Variants in DDX50 observed in about 807,000 individuals in gnomAD.
DDX50 encodes ATP-dependent RNA helicase DDX50.
A neutral mutation model predicts 94.8 loss-of-function variants in DDX50; 56 were observed. The observed-to-expected ratio is 0.59, with a 90% confidence interval of 0.48 to 0.74. The LOEUF is 0.74. DDX50 is among the 30% of genes least tolerant of loss of function. The probability of loss-of-function intolerance (pLI) is 0.00; values close to 1 mark genes in which losing one functional copy is unlikely to be tolerated. For missense variants in DDX50, 713 were observed against 881.2 expected, an observed-to-expected ratio of 0.81 and a Z score of 2.42; for synonymous variants, 264 against 295.4, an observed-to-expected ratio of 0.89 and a Z score of 1.09.
At chr10:68,901,547 G>C (rs1166759432) in intron 1 of DDX50, 76 bp downstream of exon 1, 2 of 1,453,274 alleles carry the variant, frequency 1.4e-6, no homozygotes, top group Non-Finnish European at 1.9e-6. Context: ...TGTCCCTGAT[G>C]ATGGCCTGTC....
chr10:68,901,365 G>A lies in DDX50; in HGVS notation c.-20G>A, dbSNP rs894987032. Reference sequence around the variant, plus strand: ...GTGGTTGTGGCCACTGTGCCCGGAGGGAGGCGGCGGTGGCCAGTAATGCCT... The same window carrying A: ...GTGGTTGTGGCCACTGTGCCCGGAGAGAGGCGGCGGTGGCCAGTAATGCCT... On this transcript the variant is annotated 5_prime_UTR_variant, in exon 1 of 15. Coordinates refer to ENST00000373585, the MANE Select transcript of DDX50 (RefSeq NM_024045.2). 9 of 1,530,370 alleles carry A rather than the reference G, an allele frequency of 5.9e-6. No homozygotes were observed. In the African/African-American group the frequency reaches 7.0e-5, roughly 12 times the overall value. The allele number at this position is 1,530,370 out of a possible 1,614,324, so 94.8% of individuals were successfully genotyped here. A position where few individuals can be genotyped will look rare whatever the true frequency, so the allele number is the denominator to read the frequency against.
chr10:68,930,682 G>T (rs773065402), intron 8 of DDX50, among the ~76,000 whole-genome samples: 2 of 152,034 alleles, frequency 1.3e-5, no homozygotes, highest in Non-Finnish European at 2.9e-5. Flanking sequence ...GGGGAGACAG[G>T]GTCTCACTCT....
At chr10:68,939,667 C>T (rs1842510162) in intron 12 of DDX50, among the ~76,000 whole-genome samples, 1 of 152,136 alleles carries the variant, frequency 6.6e-6, no homozygotes, top group Non-Finnish European at 1.5e-5. Context: ...CATGTTGCTT[C>T]CTCCTTTACT....
At chr10:68,913,879 C>T (rs1367703241) in intron 6 of DDX50, among the ~76,000 whole-genome samples, 180 bp from the exon 7 acceptor site, 2 of 152,086 alleles carry the variant, frequency 1.3e-5, no homozygotes, top group African/African-American at 4.8e-5. Context: ...CAGTTCTCTT[C>T]ATATTGTCCC....
chr10:68,915,687 G>A (rs4746799), intron 7 of DDX50, among the ~76,000 whole-genome samples: 86,635 of 150,154 alleles, frequency 0.58, 26,155 homozygotes, highest in East Asian at 0.89. Context: ...CTGCACTCCA[G>A]TCTGGAGACA....
intron 8 of DDX50, among the ~76,000 whole-genome samples, chr10:68,923,517 T>C (rs917556537): frequency 2.0e-5 from 3 of 151,750 alleles, no homozygotes; most frequent in Non-Finnish European, 4.4e-5. Flanking sequence ...ATATATGATA[T>C]ATATGTATAT....
rs1397444501 is a variant in DDX50, at chr10:68,946,809, C to A, written c.*179C>A. The A allele has an allele frequency of 9.4e-6, 7 of 744,030 alleles. No individual in the cohort carries two copies. The highest frequency in any genetic ancestry group is 4.2e-5 in the South Asian group (2 of 47,510). The allele number at this position is 744,030 out of a possible 1,614,324, so 46.1% of individuals were successfully genotyped here. On this transcript the variant is annotated 3_prime_UTR_variant, in exon 15 of 15. Transcript: ENST00000373585. Reference sequence around the variant, plus strand: ...GAACAAATCTACTTATCCAGTTATACCTTTGAATAAAAAAACCTCCTTTTA... The same window carrying A: ...GAACAAATCTACTTATCCAGTTATAACTTTGAATAAAAAAACCTCCTTTTA...
intron 13 of DDX50, among the ~76,000 whole-genome samples, chr10:68,942,385 T>C (rs1842574040): frequency 6.6e-6 from 1 of 152,162 alleles, no homozygotes; most frequent in Non-Finnish European, 1.5e-5. Context: ...AATAATCATC[T>C]CTCTCAAAGT....
Position 68,934,272 on chromosome 10 carries a change from G to A in DDX50, c.1313G>A (p.Ser438Asn), listed in dbSNP as rs1241785002. 6.2e-7 allele frequency: 1 copy of A among 1,613,334 alleles called. No individual in the cohort carries two copies. Among genetic ancestry groups the A allele is most frequent in the Admixed American group, 1.7e-5 (1 of 60,000 alleles). The change falls in exon 9 of 15, where the codon AGT (serine) becomes AAT (asparagine). Residue 438 changes from serine to asparagine, a missense_variant. By Grantham distance (46) the Ser-to-Asn change is conservative. Coordinates refer to ENST00000373585, the MANE Select transcript of DDX50 (RefSeq NM_024045.2). This position sits in a 1 kb window ranked among gnomAD's most constrained non-coding sequence, Gnocchi z 4.0. ...ACACTAAAAGGCTTCAGAGAAGGTAGTTTTAAAGTTTTGGTGGCAACCAAT... is the reference window on the plus strand; with the variant it reads ...ACACTAAAAGGCTTCAGAGAAGGTAATTTTAAAGTTTTGGTGGCAACCAAT... ...EITLKGFREG[S>N]FKVLVATNVA...
At chr10:68,929,251 C>CCCTTCCTT (rs748750747) in intron 8 of DDX50, among the ~76,000 whole-genome samples, 4,438 of 117,888 alleles carry the variant, frequency 0.038, 191 homozygotes, top group South Asian at 0.06. Context: ...CCAGCCTGGT[C>CCCTTCCTT]CCTTCCTTCC....
At chr10:68,931,036 C>A (rs896054552) in intron 8 of DDX50, among the ~76,000 whole-genome samples, 2 of 152,120 alleles carry the variant, frequency 1.3e-5, no homozygotes, top group African/African-American at 4.8e-5. Context: ...TTAGGGAATC[C>A]TTTCTTGCCC....
At chr10:68,915,850 T>G (rs1413686933) in intron 7 of DDX50, among the ~76,000 whole-genome samples, 3 of 152,196 alleles carry the variant, frequency 2.0e-5, no homozygotes, top group Non-Finnish European at 4.4e-5. Flanking sequence ...ACTAAGTGAA[T>G]AGTAGTATCT....
rs1162303756 is a variant in DDX50, at chr10:68,903,036, C to T, written c.87+1565C>T. Reference sequence around the variant, plus strand: ...ATTCTCCAGAAATACATATTGACTGCCCTTTAACTATGAAAGATAACCAGA... The same window carrying T: ...ATTCTCCAGAAATACATATTGACTGTCCTTTAACTATGAAAGATAACCAGA... On this transcript the variant is annotated intron_variant, in intron 1 of 14. Coordinates refer to ENST00000373585, the MANE Select transcript of DDX50 (RefSeq NM_024045.2). 2.0e-5 allele frequency among the ~76,000 whole-genome samples: 3 copies of T among 152,140 alleles called. No homozygotes were observed. The East Asian group carries it at 5.8e-4, about 29-fold the overall frequency.
Position 68,923,791 on chromosome 10 carries a change from G to A in DDX50, c.1239+3810G>A, listed in dbSNP as rs12777166. ...ACTGCTGACCTCAAGTGATCGTTTT[G>A]CCTCGGCTTCCCAAAGTGCTGGGAT... On this transcript the variant is annotated intron_variant, in intron 8 of 14. Transcript: ENST00000373585. 9.8e-3 allele frequency among the ~76,000 whole-genome samples: 1,491 copies of A among 151,864 alleles called. 12 individuals carry two copies. The highest frequency in any genetic ancestry group is 0.016 in the Non-Finnish European group (1,086 of 67,942).
chr10:68,907,993 G>C (rs1030000891), intron 2 of DDX50, among the ~76,000 whole-genome samples: 18 of 152,108 alleles, frequency 1.2e-4, no homozygotes, highest in African/African-American at 3.9e-4. Flanking sequence ...GTATGAATAA[G>C]TACTCTTATC....
Position 68,937,987 on chromosome 10 carries a change from A to G in DDX50, c.1755+892A>G, listed in dbSNP as rs192037825. On this transcript the variant is annotated intron_variant, in intron 12 of 14. Coordinates refer to ENST00000373585, the MANE Select transcript of DDX50 (RefSeq NM_024045.2). The stretch of plus-strand genomic sequence containing the variant: ...TCTGAGAATAAGGATATTCTGCTAC[A>G]TAACCACAATATAATAAGCTCATCT... Among the ~76,000 whole-genome samples the G allele has an allele frequency of 2.8e-4, 43 of 152,362 alleles. 1 individual carries two copies. In the East Asian group the frequency reaches 7.7e-3, roughly 27 times the overall value.
chr10:68,921,606 A>G lies in DDX50; in HGVS notation c.1239+1625A>G, dbSNP rs143478668. Among the ~76,000 whole-genome samples the G allele has an allele frequency of 1.3e-3, 205 of 152,318 alleles. 2 individuals are homozygous for G. Among genetic ancestry groups the G allele is most frequent in the Admixed American group, 0.011 (163 of 15,286 alleles). On this transcript the variant is annotated intron_variant, in intron 8 of 14. Transcript: ENST00000373585. ...CTAACATCCACCAATAATCAGTGCCATCAGTCCTTATGTCACTGTCTCTCC... is the reference window on the plus strand; with the variant it reads ...CTAACATCCACCAATAATCAGTGCCGTCAGTCCTTATGTCACTGTCTCTCC...
chr10:68,926,032 G>A (rs1305716724), intron 8 of DDX50, among the ~76,000 whole-genome samples: 2 of 143,590 alleles, frequency 1.4e-5, no homozygotes, highest in South Asian at 4.6e-4. Context: ...AAAAAGATTA[G>A]CCAGTTGTGG....
chr10:68,934,740 T>C lies in DDX50; in HGVS notation c.1402-59T>C. 1.3e-6 allele frequency: 2 copies of C among 1,514,264 alleles called. No homozygotes were observed. Among genetic ancestry groups the C allele is most frequent in the South Asian group, 1.3e-5 (1 of 75,878 alleles). 93.8% of individuals were successfully genotyped at this position (1,514,264 alleles called of 1,614,324 possible). On this transcript the variant is annotated intron_variant, in intron 9 of 14. Transcript: ENST00000373585. The surrounding 1 kb of genome is among the most constrained non-coding windows in gnomAD (Gnocchi z 4.0). ...ATTATTATTAACATTATTATTTGGA[T>C]TCCGGAATGACTGCAACTTGCTAGA...
Sources: allele counts gnomAD v4.1 joint callset (sites outside exome capture counted in the v4.1 genomes callset), GRCh38; gene constraint gnomAD v4.1.1; non-coding constraint Gnocchi (gnomAD v3.1); transcripts MANE v1.5; gene names NCBI Gene and HGNC (gene_info 2026-07-23, HGNC 2026-07-21).